PDE1C: variants seen among roughly 807,000 people sequenced by gnomAD.
PDE1C encodes dual specificity calcium/calmodulin-dependent 3',5'-cyclic nucleotide phosphodiesterase 1C.
A neutral mutation model predicts 93.1 loss-of-function variants in PDE1C; 62 were observed. The observed-to-expected ratio is 0.67, with a 90% CI of 0.54 to 0.82. The LOEUF is 0.82. PDE1C is among the 40% of genes least tolerant of loss of function. The pLI, the probability that PDE1C is intolerant of heterozygous loss-of-function variation, is 0.00. For synonymous variants in PDE1C, 325 were observed against 310.1 expected (o/e 1.05, Z -0.50); for missense variants, 742 against 884.6 (o/e 0.84, Z 2.04).
intron 2 of PDE1C, among the ~76,000 whole-genome samples, chr7:31,917,773 G>A (rs1450733081): frequency 6.6e-6 from 1 of 152,124 alleles, no homozygotes; most frequent in Non-Finnish European, 1.5e-5. Flanking sequence ...ACTCTTCAAA[G>A]TAAGATATTC....
intron 1 of PDE1C, among the ~76,000 whole-genome samples, chr7:32,376,952 G>A: frequency 6.6e-6 from 1 of 152,122 alleles, no homozygotes; most frequent in East Asian, 1.9e-4. Flanking sequence ...CTCCCACAGT[G>A]CTGCGATTAC....
chr7:32,396,153 G>C (rs1784836761), intron 1 of PDE1C, among the ~76,000 whole-genome samples: 4 of 152,162 alleles, frequency 2.6e-5, no homozygotes, highest in Admixed American at 2.6e-4. Flanking sequence ...CCCCAGCAGA[G>C]AGTAAAACAT....
At chr7:32,113,086 T>C (rs1053399448) in intron 3 of PDE1C, among the ~76,000 whole-genome samples, 7 of 149,514 alleles carry the variant, frequency 4.7e-5, no homozygotes, top group African/African-American at 1.2e-4. Context: ...GAATAGCATA[T>C]GAGCACCCCC....
intron 3 of PDE1C, among the ~76,000 whole-genome samples, chr7:32,128,751 G>A (rs1264471949): frequency 5.3e-5 from 8 of 151,074 alleles, no homozygotes; most frequent in Admixed American, 5.3e-4. Flanking sequence ...TACTACTAGT[G>A]CAAGAAGAGG....
At chr7:32,111,360 G>C (rs910025576) in intron 3 of PDE1C, among the ~76,000 whole-genome samples, 9 of 152,160 alleles carry the variant, frequency 5.9e-5, no homozygotes, top group African/African-American at 2.2e-4. Context: ...CTAAAGAATA[G>C]TACCACATTC....
At chr7:31,916,480 T>C (rs770318688) in intron 2 of PDE1C, among the ~76,000 whole-genome samples, 1 of 152,226 alleles carries the variant, frequency 6.6e-6, no homozygotes, top group Non-Finnish European at 1.5e-5. Context: ...AAGTCAGTCA[T>C]AAGCCCATGC....
chr7:31,903,089 C>T (rs1469959997), intron 2 of PDE1C, among the ~76,000 whole-genome samples: 3 of 151,526 alleles, frequency 2.0e-5, no homozygotes, highest in Admixed American at 6.6e-5. Context: ...CTACTCTTTC[C>T]TAAGGAAATA....
intron 3 of PDE1C, among the ~76,000 whole-genome samples, chr7:32,097,520 T>C (rs576617406): frequency 8.3e-4 from 127 of 152,304 alleles, no homozygotes; most frequent in African/African-American, 2.9e-3. Context: ...TGACTGGCCC[T>C]CAAAGGTCAG....
chr7:32,220,222 G>A (rs1014785108), intron 1 of PDE1C, among the ~76,000 whole-genome samples: 2 of 152,052 alleles, frequency 1.3e-5, no homozygotes, highest in Admixed American at 1.3e-4. Flanking sequence ...AGTCCACCCT[G>A]GACAAGGCAA....
At chr7:31,619,748 A>T in the PDE1C span, among the ~76,000 whole-genome samples, 1 of 152,122 alleles carries the variant, frequency 6.6e-6, no homozygotes, top group Non-Finnish European at 1.5e-5. Flanking sequence ...AGTGCCAGAC[A>T]GTGGGCGCAG....
chr7:32,159,741 G>A (rs1189136905), intron 3 of PDE1C, among the ~76,000 whole-genome samples: 2 of 152,132 alleles, frequency 1.3e-5, no homozygotes, highest in Admixed American at 1.3e-4. Flanking sequence ...GCAAGGGTGA[G>A]ACCTGAGTGT....
intron 2 of PDE1C, among the ~76,000 whole-genome samples, chr7:32,189,190 C>T (rs754640646): frequency 2.6e-5 from 4 of 152,124 alleles, no homozygotes; most frequent in Non-Finnish European, 5.9e-5. Flanking sequence ...AAGAATGAAT[C>T]TGTTCAGCAG....
intron 2 of PDE1C, among the ~76,000 whole-genome samples, chr7:31,913,105 C>T (rs1801453338): frequency 6.6e-6 from 1 of 152,118 alleles, no homozygotes; most frequent in African/African-American, 2.4e-5. Context: ...CTGAGGACTC[C>T]AGCATCCTGA....
intron 3 of PDE1C, among the ~76,000 whole-genome samples, chr7:32,106,928 A>G (rs1021081021): frequency 6.6e-6 from 1 of 152,050 alleles, no homozygotes; most frequent in East Asian, 1.9e-4. Context: ...TAATGGAAAA[A>G]GCGGACAGTA....
the PDE1C span, among the ~76,000 whole-genome samples, chr7:31,618,070 C>G: frequency 6.6e-6 from 1 of 152,126 alleles, no homozygotes; most frequent in Non-Finnish European, 1.5e-5. Context: ...ATGACAGAAG[C>G]CTATCAGGTT....
chr7:31,909,149 A>C (rs1396808462), intron 2 of PDE1C, among the ~76,000 whole-genome samples: 1 of 151,702 alleles, frequency 6.6e-6, no homozygotes, highest in Non-Finnish European at 1.5e-5. Flanking sequence ...TGAGGCAATT[A>C]CTCCTGTCCT....
the PDE1C span, among the ~76,000 whole-genome samples, chr7:31,691,225 T>G: frequency 6.6e-6 from 1 of 152,200 alleles, no homozygotes; most frequent in African/African-American, 2.4e-5. Flanking sequence ...TCTCAGCACA[T>G]AGAGGAAGAG....
intron 3 of PDE1C, among the ~76,000 whole-genome samples, chr7:32,094,845 G>A (rs1797666512): frequency 1.3e-5 from 2 of 152,000 alleles, no homozygotes; most frequent in Admixed American, 1.3e-4. Context: ...CTCTTGTTTT[G>A]CCCATCTCCT....
chr7:31,623,114 A>C, the PDE1C span, among the ~76,000 whole-genome samples: 1 of 152,212 alleles, frequency 6.6e-6, no homozygotes, highest in Non-Finnish European at 1.5e-5. Context: ...AATAATCAGT[A>C]GCTTACCAAC....
Sources: allele counts gnomAD v4.1 joint callset (sites outside exome capture counted in the v4.1 genomes callset), GRCh38; gene constraint gnomAD v4.1.1; transcripts MANE v1.5; gene names NCBI Gene and HGNC (gene_info 2026-07-23, HGNC 2026-07-21).